The following EXT1 variants were observed in gnomAD, a reference collection of about 807,000 sequenced individuals.
EXT1 encodes the protein exostosin glycosyltransferase 1.
A neutral mutation model predicts 82.5 loss-of-function variants in EXT1; 20 were observed. That is an observed-to-expected ratio of 0.24 (90% CI 0.17 to 0.35). EXT1 has a LOEUF of 0.35. Among genes scored for constraint, EXT1 ranks in the 10% least tolerant of loss-of-function variants. EXT1 has a pLI of 1.00. For missense variants in EXT1, 757 were observed against 936.5 expected, an observed-to-expected ratio of 0.81 and a Z score of 2.50; for synonymous variants, 348 against 350.8, an observed-to-expected ratio of 0.99 and a Z score of 0.09.
chr8:117,870,804 G>A (rs1241771037), intron 1 of EXT1, among the ~76,000 whole-genome samples: 1 of 139,082 alleles, frequency 7.2e-6, no homozygotes, highest in Non-Finnish European at 1.5e-5. Flanking sequence ...GACTCAGTGG[G>A]TATACCATAA....
At position 117,835,536 on chromosome 8, in the gene EXT1, C is replaced by G. The variant is rs760043953; in HGVS notation, c.1072G>C (p.Val358Leu). The change falls in exon 3 of 11, where the codon GTG becomes CTG. Residue 358 changes from valine to leucine, a missense_variant. By Grantham distance (32) the Val-to-Leu change is conservative (BLOSUM62 1). Around this residue, in one of 4 missense-constraint regions of EXT1, gnomAD observed 247 missense variants for 330.1 expected, o/e 0.75. Coordinates refer to ENST00000378204, the MANE Select transcript of EXT1 (RefSeq NM_000127.3). ...LEALQAACVPVMLSNGWELPF... is the reference protein window; with the variant it reads ...LEALQAACVPLMLSNGWELPF... ...AACTCCCATCCATTGCTGAGCATCACAGGGACGCAGGCAGCCTGAGCAAAA... is the reference window on the plus strand; with the variant it reads ...AACTCCCATCCATTGCTGAGCATCAGAGGGACGCAGGCAGCCTGAGCAAAA... 6.2e-7 allele frequency: 1 copy of G among 1,614,028 alleles called. No individual in the cohort carries two copies. Among genetic ancestry groups the G allele is most frequent in the South Asian group, 1.1e-5 (1 of 91,076 alleles).
At chr8:117,837,647 A>G (rs1163483162) in intron 1 of EXT1, among the ~76,000 whole-genome samples, 2 of 152,182 alleles carry the variant, frequency 1.3e-5, no homozygotes, top group Non-Finnish European at 2.9e-5. Flanking sequence ...ATGCTATTAA[A>G]AACTATTCAG....
intron 1 of EXT1, among the ~76,000 whole-genome samples, chr8:118,005,492 C>A (rs1301144857): frequency 6.6e-6 from 1 of 152,190 alleles, no homozygotes; most frequent in African/African-American, 2.4e-5. Context: ...AAGAATGTTT[C>A]ACGTGCAATT....
chr8:118,084,954 GC>G (rs1441974184), intron 1 of EXT1, among the ~76,000 whole-genome samples: 2 of 152,212 alleles, frequency 1.3e-5, no homozygotes, highest in East Asian at 3.8e-4. Flanking sequence ...CGGGCTGGGG[GC>G]CTAAAGCCCA....
At chr8:117,882,383 C>T (rs371367048) in intron 1 of EXT1, among the ~76,000 whole-genome samples, 4 of 152,098 alleles carry the variant, frequency 2.6e-5, no homozygotes, top group South Asian at 2.1e-4. Flanking sequence ...ACGTCCAGCT[C>T]GTTTAGTTAA....
At chr8:118,016,959 G>A (rs910116209) in intron 1 of EXT1, among the ~76,000 whole-genome samples, 3 of 152,138 alleles carry the variant, frequency 2.0e-5, no homozygotes, top group African/African-American at 7.2e-5. Flanking sequence ...AAAAATTATC[G>A]AGTTGAATCT....
chr8:117,975,976 C>A (rs1193656209), intron 1 of EXT1, among the ~76,000 whole-genome samples: 1 of 152,158 alleles, frequency 6.6e-6, no homozygotes, highest in African/African-American at 2.4e-5. Flanking sequence ...AAGGCTAATA[C>A]ACAAAACAGT....
At chr8:117,919,309 C>T (rs1239831752) in intron 1 of EXT1, among the ~76,000 whole-genome samples, 1 of 151,746 alleles carries the variant, frequency 6.6e-6, no homozygotes, top group East Asian at 1.9e-4. Context: ...CCTCAGCCTC[C>T]AGAACAGCTG....
chr8:118,109,339 A>G (rs1197848802), intron 1 of EXT1, among the ~76,000 whole-genome samples: 3 of 145,634 alleles, frequency 2.1e-5, no homozygotes, highest in African/African-American at 7.7e-5. Flanking sequence ...GAGTTTAGAC[A>G]GTGAGACTGA....
chr8:117,969,682 G>GGTGT (rs950617303), intron 1 of EXT1, among the ~76,000 whole-genome samples: 3 of 152,046 alleles, frequency 2.0e-5, no homozygotes, highest in Non-Finnish European at 4.4e-5. Flanking sequence ...TGGTGGCAGT[G>GGTGT]GTGTGTGTGT....
At chr8:117,860,808 C>T (rs1357094398) in intron 1 of EXT1, among the ~76,000 whole-genome samples, 1 of 152,182 alleles carries the variant, frequency 6.6e-6, no homozygotes, top group African/African-American at 2.4e-5. Flanking sequence ...GCTGAGCTGG[C>T]TTGATTCATT....
chr8:117,893,403 G>A (rs1007377891), intron 1 of EXT1, among the ~76,000 whole-genome samples: 9 of 152,190 alleles, frequency 5.9e-5, no homozygotes, highest in African/African-American at 2.2e-4. Flanking sequence ...ATACCACAGG[G>A]TTGGATAAAC....
At chr8:117,824,057 C>T (rs988599568) in intron 4 of EXT1, among the ~76,000 whole-genome samples, 3 of 152,148 alleles carry the variant, frequency 2.0e-5, no homozygotes, top group South Asian at 2.1e-4. Context: ...ACTTTCCAAA[C>T]GTACTGTCTA....
In EXT1 at chr8:117,968,796, C is replaced by G. The variant is rs1814880593; in HGVS notation, c.963-131595G>C. Among the ~76,000 whole-genome samples the G allele has an allele frequency of 4.6e-5, 3 of 65,066 alleles. 1 individual carries two copies. The South Asian group carries it at 1.5e-3, about 32-fold the overall frequency. 42.7% of individuals were successfully genotyped at this position (65,066 alleles called of 152,430 possible). ...AGGTTAGCCAGGATGGTCTCGATCT[C>G]CTGACCTTGTGATCCGCCCGCCTCG... is the stretch of plus-strand genomic sequence containing the variant. On this transcript the variant is annotated intron_variant, in intron 1 of 10. Transcript: ENST00000378204.
At chr8:118,027,894 T>C (rs1450315093) in intron 1 of EXT1, among the ~76,000 whole-genome samples, 1 of 152,100 alleles carries the variant, frequency 6.6e-6, no homozygotes, top group Non-Finnish European at 1.5e-5. Flanking sequence ...AATCTCAGAG[T>C]TTACAGTTAT....
intron 1 of EXT1, among the ~76,000 whole-genome samples, chr8:118,052,179 G>A (rs1180966193): frequency 6.6e-6 from 1 of 152,158 alleles, no homozygotes; most frequent in Non-Finnish European, 1.5e-5. Flanking sequence ...GAACTCAGAG[G>A]TGAAGGCACC....
At chr8:118,025,626 G>A (rs954659538) in intron 1 of EXT1, among the ~76,000 whole-genome samples, 1 of 152,150 alleles carries the variant, frequency 6.6e-6, no homozygotes, top group South Asian at 2.1e-4. Context: ...GGAGAGTGAG[G>A]AGACTGACTT....
rs547203870 is a variant in EXT1 at position 117,947,022 on chromosome 8, C to A, written c.963-109821G>T. The stretch of plus-strand genomic sequence containing the variant: ...GAGCCAAGAATTATTATAAAGGAGC[C>A]TCCTAAGCCTGAGGCAGAGAGATCT... On this transcript the variant is annotated intron_variant, in intron 1 of 10. Coordinates refer to ENST00000378204, the MANE Select transcript of EXT1 (RefSeq NM_000127.3). Among the ~76,000 whole-genome samples the A allele has an allele frequency of 1.4e-4, 22 of 152,248 alleles. No individual in the cohort carries two copies. The East Asian group carries it at 2.5e-3, about 17-fold the overall frequency.
At chr8:117,956,160 G>A (rs1487672469) in intron 1 of EXT1, among the ~76,000 whole-genome samples, 3 of 142,812 alleles carry the variant, frequency 2.1e-5, no homozygotes, top group South Asian at 2.3e-4. Context: ...TGATAACTAC[G>A]GATTTTTTTT....
Sources: gnomAD v4.1 joint callset for allele counts (sites outside exome capture counted in the v4.1 genomes callset) on GRCh38, gnomAD v4.1.1 for gene constraint, gnomAD v4.1.1 regional missense constraint, MANE v1.5 for transcripts, NCBI Gene and HGNC (gene_info 2026-07-23, HGNC 2026-07-21) for gene names.